WDR53: variants seen among roughly 807,000 people sequenced by gnomAD.
WDR53 encodes the protein WD repeat-containing protein 53.
WDR53 carries 19 observed loss-of-function variants against 21.3 expected under a neutral mutation model. That is an observed-to-expected ratio of 0.89 (90% CI 0.62 to 1.31). The LOEUF (loss-of-function observed/expected upper bound fraction) is 1.31, where lower values mean the gene tolerates loss of function less well. Among genes scored for constraint, WDR53 ranks in the 50% most tolerant of loss-of-function variants. The pLI is 0.00. For synonymous variants in WDR53, 157 were observed against 163.4 expected, an observed-to-expected ratio of 0.96 and a Z score of 0.30; for missense variants, 374 against 423.2, an observed-to-expected ratio of 0.88 and a Z score of 1.02.
intron 3 of WDR53, among the ~76,000 whole-genome samples, chr3:196,560,454 CT>C (rs1197053167): frequency 6.6e-6 from 1 of 152,132 alleles, no homozygotes; most frequent in Non-Finnish European, 1.5e-5. Flanking sequence ...GTTGGCCAGG[CT>C]GGTCTTGATG....
At chr3:196,555,369 CAT>C (rs1464733535) in intron 3 of WDR53, among the ~76,000 whole-genome samples, 1 of 152,166 alleles carries the variant, frequency 6.6e-6, no homozygotes, top group Non-Finnish European at 1.5e-5. Context: ...TATTAATTGA[CAT>C]ATTCTACTAG....
At chr3:196,558,997 G>A (rs999525293) in intron 3 of WDR53, among the ~76,000 whole-genome samples, 4 of 152,164 alleles carry the variant, frequency 2.6e-5, no homozygotes, top group Admixed American at 6.5e-5. Context: ...CCACTAAAAC[G>A]TCTTACCTGG....
chr3:196,565,126 T>C (rs900923467), intron 2 of WDR53, among the ~76,000 whole-genome samples: 3 of 152,186 alleles, frequency 2.0e-5, no homozygotes, highest in African/African-American at 7.2e-5. Flanking sequence ...TCTTGTTCTA[T>C]TAGTCTCACA....
Position 196,565,535 on chromosome 3 carries a change from T to C in WDR53, c.-17+1342A>G, listed in dbSNP as rs546798693. 2.8e-5 allele frequency among the ~76,000 whole-genome samples: 4 copies of C among 140,686 alleles called. No individual in the cohort carries two copies. In the South Asian group the frequency reaches 7.1e-4, roughly 25 times the overall value. The allele number at this position is 140,686 out of a possible 152,430, so 92.3% of individuals were successfully genotyped here. ...GTGAACTGAGATTGTGCCACTGCAC[T>C]CCAGCCTGGGTGAGAGTCGGGGTGA... is the stretch of plus-strand genomic sequence containing the variant. On this transcript the variant is annotated intron_variant, in intron 2 of 3. Transcript: ENST00000332629.
rs532456074 is a variant in WDR53, at chr3:196,558,027, A to G, written c.480+2969T>C. 1.1e-4 allele frequency among the ~76,000 whole-genome samples: 17 copies of G among 151,824 alleles called. 1 individual carries two copies. The highest frequency in any genetic ancestry group is 2.4e-4 in the Non-Finnish European group (16 of 67,898). ...CCTGAGCTCAAGCGATCCACCTGCC[A>G]TGGCCTCCCAAAGTTCTGGGATTAT... is the stretch of plus-strand genomic sequence containing the variant. On this transcript the variant is annotated intron_variant, in intron 3 of 3. Transcript: ENST00000332629.
intron 3 of WDR53, among the ~76,000 whole-genome samples, chr3:196,555,355 A>G (rs1264107920): frequency 6.6e-6 from 1 of 152,098 alleles, no homozygotes; most frequent in African/African-American, 2.4e-5. Flanking sequence ...TCTAGTTTCT[A>G]TTCTATTAAT....
At chr3:196,566,142 T>C (rs1735372426) in intron 2 of WDR53, among the ~76,000 whole-genome samples, 1 of 151,928 alleles carries the variant, frequency 6.6e-6, no homozygotes, top group South Asian at 2.1e-4. Flanking sequence ...CATACTGGAG[T>C]GTAGTGGCCC....
At chr3:196,565,350 G>T (rs368933426) in intron 2 of WDR53, among the ~76,000 whole-genome samples, 1 of 152,032 alleles carries the variant, frequency 6.6e-6, no homozygotes, top group Admixed American at 6.5e-5. Context: ...TGAGGAGGGC[G>T]GATCACTTGA....
chr3:196,562,655 A>C (rs1430439329), intron 2 of WDR53, among the ~76,000 whole-genome samples: 2 of 152,102 alleles, frequency 1.3e-5, no homozygotes, highest in Non-Finnish European at 2.9e-5. Flanking sequence ...GAAATGGTGA[A>C]AATGGCAGGC....
At chr3:196,562,560 C>A (rs1734985378) in intron 2 of WDR53, among the ~76,000 whole-genome samples, 2 of 152,188 alleles carry the variant, frequency 1.3e-5, no homozygotes, top group African/African-American at 4.8e-5. Flanking sequence ...CCACGCCCGG[C>A]TGCAATGTGT....
In WDR53 at chr3:196,561,450, T is replaced by C; in HGVS notation, c.26A>G (p.His9Arg). The C allele has an allele frequency of 6.8e-6, 11 of 1,613,560 alleles. No individual in the cohort carries two copies. The highest frequency in any genetic ancestry group is 8.5e-6 in the Non-Finnish European group (10 of 1,179,844). ...ATTCAGGCAGAGGACAGGAGAAGAA[T>C]GCCCACCCGTCCACTTGACTGCCAT... MAVKWTGGHSSPVLCLNAS... is the reference protein window; with the variant it reads MAVKWTGGRSSPVLCLNAS... The change falls in exon 3 of 4, where the codon CAT (histidine) becomes CGT (arginine). Residue 9 changes from histidine (H) to arginine (R), a missense_variant. Physicochemically the swap from His to Arg is conservative, Grantham distance 29. Coordinates refer to ENST00000332629, the MANE Select transcript of WDR53 (RefSeq NM_182627.3).
In WDR53 at chr3:196,567,122, T is replaced by C. The variant is rs1735478174; in HGVS notation, c.-262A>G. ...GCTGTTCATTCTGTCTAGTTCATGA[T>C]CCCTTTCTCAGATGGATCAACTCTG... is the stretch of plus-strand genomic sequence containing the variant. On this transcript the variant is annotated 5_prime_UTR_variant, in exon 2 of 4. Coordinates refer to ENST00000332629, the MANE Select transcript of WDR53 (RefSeq NM_182627.3). 1 of 456,754 alleles carries C rather than the reference T, an allele frequency of 2.2e-6. No individual in the cohort carries two copies. The highest frequency in any genetic ancestry group is 4.4e-6 in the Non-Finnish European group (1 of 226,962). 28.3% of individuals were successfully genotyped at this position (456,754 alleles called of 1,614,324 possible). A position where few individuals can be genotyped will look rare whatever the true frequency, so the allele number is the denominator to read the frequency against.
In WDR53 at chr3:196,555,104, T is replaced by G. The variant is rs142026509; in HGVS notation, c.481-297A>C. 9.2e-5 allele frequency among the ~76,000 whole-genome samples: 14 copies of G among 152,342 alleles called. No individual in the cohort carries two copies. In the East Asian group the frequency reaches 2.7e-3, roughly 29 times the overall value. On this transcript the variant is annotated intron_variant, in intron 3 of 3. Transcript: ENST00000332629. ...AGCTGCCAGTTTCTAAAGGTTTTTCTGCTCTCATCTCTTCAAGTAAAACCA... is the reference window on the plus strand; with the variant it reads ...AGCTGCCAGTTTCTAAAGGTTTTTCGGCTCTCATCTCTTCAAGTAAAACCA...
At chr3:196,565,632 A>G (rs1480128489) in intron 2 of WDR53, among the ~76,000 whole-genome samples, 1 of 152,178 alleles carries the variant, frequency 6.6e-6, no homozygotes, top group Non-Finnish European at 1.5e-5. Context: ...ATTTTAGTCA[A>G]TCAAGATTTA....
At chr3:196,563,575 C>CT (rs11332529) in intron 2 of WDR53, among the ~76,000 whole-genome samples, 1,932 of 143,774 alleles carry the variant, frequency 0.013, 59 homozygotes, top group South Asian at 0.068. Context: ...CAACACAAAG[C>CT]TTTTTTTTTT....
At chr3:196,555,572 TC>T (rs1734247951) in intron 3 of WDR53, among the ~76,000 whole-genome samples, 1 of 152,252 alleles carries the variant, frequency 6.6e-6, no homozygotes, top group Non-Finnish European at 1.5e-5. Context: ...TTTTACATTA[TC>T]ATCTAGTGAT....
chr3:196,563,801 A>G (rs990796302), intron 2 of WDR53, among the ~76,000 whole-genome samples: 5 of 152,058 alleles, frequency 3.3e-5, no homozygotes, highest in Non-Finnish European at 1.5e-5. Context: ...TGAACTTCTG[A>G]CCTTACATGA....
chr3:196,554,451 C>A lies in WDR53; in HGVS notation c.837G>T (p.Lys279Asn). The change falls in exon 4 of 4, where the codon AAG becomes AAT. Residue 279 changes from lysine (K) to asparagine (N), a missense_variant. Physicochemically the swap from Lys to Asn is moderately conservative, Grantham distance 94 (BLOSUM62 0). Transcript: ENST00000332629. ...TCCTGTGGGTACGTTTTGTGGGACTCTTCTGTTTTTTCTCAACTTCACTGT... is the reference window on the plus strand; with the variant it reads ...TCCTGTGGGTACGTTTTGTGGGACTATTCTGTTTTTTCTCAACTTCACTGT... ...DANSEVEKKQ[K>N]SPTKRTHRKK... 1 of 1,614,028 alleles carries A rather than the reference C, an allele frequency of 6.2e-7. No individual in the cohort carries two copies. Among genetic ancestry groups the A allele is most frequent in the African/African-American group, 1.3e-5 (1 of 74,990 alleles).
chr3:196,564,918 G>C (rs1735234569), intron 2 of WDR53, among the ~76,000 whole-genome samples: 1 of 152,152 alleles, frequency 6.6e-6, no homozygotes, highest in South Asian at 2.1e-4. Flanking sequence ...AATGCTGACT[G>C]ACAGACAAAA....
Sources: allele counts gnomAD v4.1 joint callset (sites outside exome capture counted in the v4.1 genomes callset), GRCh38; gene constraint gnomAD v4.1.1; transcripts MANE v1.5; gene names NCBI Gene and HGNC (gene_info 2026-07-23, HGNC 2026-07-21).